The following TRMT5 variants were observed in gnomAD, a reference collection of about 807,000 sequenced individuals.
The protein encoded by TRMT5 is tRNA (guanine(37)-N(1))-methyltransferase.
A neutral mutation model predicts 42.2 loss-of-function variants in TRMT5; 31 were observed. That is an observed-to-expected ratio of 0.73 (90% CI 0.55 to 0.99). The LOEUF is 0.99. Among genes scored for constraint, TRMT5 ranks in the 50% least tolerant of loss-of-function variants. The pLI is 0.00. For missense variants in TRMT5, 568 were observed against 595.0 expected (o/e 0.95, Z 0.47); for synonymous variants, 198 against 209.6 (o/e 0.94, Z 0.48).
Position 60,973,161 on chromosome 14 carries a change from T to TATCAAA in TRMT5, c.*1947_*1948insTTTGAT, listed in dbSNP as rs2036800141. The stretch of plus-strand genomic sequence containing the variant: ...TCAAATATTGTGATTCAAATATCGA[T>TATCAAA]TGTCAAAATGACTGTACCATATCAA... On this transcript the variant is annotated 3_prime_UTR_variant, in exon 5 of 5. Transcript: ENST00000261249. The TATCAAA allele has an allele frequency of 6.6e-6, 1 of 152,252 alleles. No individual in the cohort carries two copies. Among genetic ancestry groups the TATCAAA allele is most frequent in the Non-Finnish European group, 1.5e-5 (1 of 68,046 alleles). The allele number at this position is 152,252 out of a possible 1,614,324, so 9.4% of individuals were successfully genotyped here. A position where few individuals can be genotyped will look rare whatever the true frequency, so the allele number is the denominator to read the frequency against.
Position 60,971,856 on chromosome 14 carries a change from A to G in TRMT5, c.*3253T>C. On this transcript the variant is annotated 3_prime_UTR_variant, in exon 5 of 5. Coordinates refer to ENST00000261249, the MANE Select transcript of TRMT5 (RefSeq NM_020810.3). ...ACCAATGACCGGGGGTCAGGTCCCA[A>G]CAGATGTCTGGGCTTAAGGGGATTA... 1 of 155,672 alleles carries G rather than the reference A, an allele frequency of 6.4e-6. No homozygotes were observed. The allele number at this position is 155,672 out of a possible 1,614,324, so 9.6% of individuals were successfully genotyped here. A position where few individuals can be genotyped will look rare whatever the true frequency, so the allele number is the denominator to read the frequency against.
intron 2 of TRMT5, among the ~76,000 whole-genome samples, chr14:60,978,873 A>T (rs191978758): frequency 2.6e-5 from 4 of 152,330 alleles, no homozygotes; most frequent in Admixed American, 1.3e-4. Flanking sequence ...TTTTGACTAT[A>T]AAGTACCCAA....
Position 60,972,797 on chromosome 14 carries a change from A to T in TRMT5, c.*2312T>A, listed in dbSNP as rs1160304665. On this transcript the variant is annotated 3_prime_UTR_variant, in exon 5 of 5. Coordinates refer to ENST00000261249, the MANE Select transcript of TRMT5 (RefSeq NM_020810.3). ...ATTTCATCTTTAAAAATGTCTTCTC[A>T]TACAGATAGGTATTGCCAAATACTG... is the stretch of plus-strand genomic sequence containing the variant. The T allele has an allele frequency of 5.7e-6, 1 of 176,476 alleles. No homozygotes were observed. The highest frequency in any genetic ancestry group is 5.7e-5 in the Admixed American group (1 of 17,542). The allele number at this position is 176,476 out of a possible 1,614,324, so 10.9% of individuals were successfully genotyped here. A position where few individuals can be genotyped will look rare whatever the true frequency, so the allele number is the denominator to read the frequency against.
rs755338994 is a variant in TRMT5 at position 60,975,973 on chromosome 14, C to T, written c.946G>A (p.Val316Ile). ...AATACAGTGCAGTTTTTCTTTGCTA[C>T]TGGAATGGCAAAGGGCCCAACCCCA... ...FAGVGPFAIPVAKKNCTVFAN... is the reference protein window; with the variant it reads ...FAGVGPFAIPIAKKNCTVFAN... The change falls in exon 4 of 5, where the codon GTA becomes ATA. Residue 316 changes from valine to isoleucine, a missense_variant. By Grantham distance (29) the Val-to-Ile change is conservative. Coordinates refer to ENST00000261249, the MANE Select transcript of TRMT5 (RefSeq NM_020810.3). 1.2e-6 allele frequency: 2 copies of T among 1,614,054 alleles called. No individual in the cohort carries two copies. Among genetic ancestry groups the T allele is most frequent in the African/African-American group, 2.7e-5 (2 of 74,934 alleles).
At position 60,979,329 on chromosome 14, in the gene TRMT5, A is replaced by T; in HGVS notation, c.569T>A (p.Leu190His). Reference sequence around the variant, plus strand: ...TGAAGTTACATCTTGACCTTCAGGAAGCACAGCTCTCAAGATTTCTTCTGA... The same window carrying T: ...TGAAGTTACATCTTGACCTTCAGGATGCACAGCTCTCAAGATTTCTTCTGA... ...FKSEEILRAV[L>H]PEGQDVTSGF... The change falls in exon 2 of 5, where the codon CTT becomes CAT. Residue 190 changes from leucine to histidine, a missense_variant. Coordinates refer to ENST00000261249, the MANE Select transcript of TRMT5 (RefSeq NM_020810.3). 1 of 1,614,182 alleles carries T rather than the reference A, an allele frequency of 6.2e-7. No homozygotes were observed. The highest frequency in any genetic ancestry group is 1.3e-5 in the African/African-American group (1 of 75,062).
chr14:60,975,082 G>A lies in TRMT5; in HGVS notation c.*27C>T, dbSNP rs768081967. Reference sequence around the variant, plus strand: ...TTCTATTTCACTACATGTAAGTCTGGTAGGGAGATGGAGAAAACATTTCCA... The same window carrying A: ...TTCTATTTCACTACATGTAAGTCTGATAGGGAGATGGAGAAAACATTTCCA... On this transcript the variant is annotated 3_prime_UTR_variant, in exon 5 of 5. Transcript: ENST00000261249. 2 of 1,558,330 alleles carry A rather than the reference G, an allele frequency of 1.3e-6. No individual in the cohort carries two copies. Among genetic ancestry groups the A allele is most frequent in the East Asian group, 2.3e-5 (1 of 44,402 alleles).
chr14:60,980,990 G>A lies in TRMT5; in HGVS notation c.-17C>T. On this transcript the variant is annotated 5_prime_UTR_variant, in exon 1 of 5. Transcript: ENST00000261249. ...AAGCACCATTCCAATTCCCCACGTC[G>A]CTCTGCAGCTGGATCCGCGAGCCGA... 1 of 1,611,036 alleles carries A rather than the reference G, an allele frequency of 6.2e-7. No individual in the cohort carries two copies. Among genetic ancestry groups the A allele is most frequent in the Non-Finnish European group, 8.5e-7 (1 of 1,180,006 alleles).
chr14:60,981,293 G>C (rs184560042), upstream of TRMT5: 360 of 1,607,590 alleles, frequency 2.2e-4, 3 homozygotes, highest in East Asian at 6.0e-3. Context: ...GGCGTCCTGG[G>C]GGAGCTTCAA....
rs1465747172 is a variant in TRMT5, at chr14:60,974,486, C to G, written c.*623G>C. The G allele has an allele frequency of 6.6e-6, 1 of 152,242 alleles. No homozygotes were observed. The highest frequency in any genetic ancestry group is 2.4e-5 in the African/African-American group (1 of 41,428). 9.4% of individuals were successfully genotyped at this position (152,242 alleles called of 1,614,324 possible). ...GTAAACAAATGAGCATGGTATGTTC[C>G]AATCAAACTTTATGAACTCTGAAAC... On this transcript the variant is annotated 3_prime_UTR_variant, in exon 5 of 5. Coordinates refer to ENST00000261249, the MANE Select transcript of TRMT5 (RefSeq NM_020810.3).
Position 60,975,222 on chromosome 14 carries a change from AG to A in TRMT5, c.1445-29del, listed in dbSNP as rs773587530. 5.6e-5 allele frequency: 88 copies of A among 1,568,312 alleles called. No individual in the cohort carries two copies. In the South Asian group the frequency reaches 8.6e-4, roughly 15 times the overall value. ...GTAATAAATCCAGAAAACCTATTTT[AG>A]GTAAGATATTAACAGTTGAAAATAC... On this transcript the variant is annotated intron_variant, in intron 4 of 4. Coordinates refer to ENST00000261249, the MANE Select transcript of TRMT5 (RefSeq NM_020810.3).
chr14:60,975,070 C>T lies in TRMT5; in HGVS notation c.*39G>A. Reference sequence around the variant, plus strand: ...AAATAATACAAATTCTATTTCACTACATGTAAGTCTGGTAGGGAGATGGAG... The same window carrying T: ...AAATAATACAAATTCTATTTCACTATATGTAAGTCTGGTAGGGAGATGGAG... On this transcript the variant is annotated 3_prime_UTR_variant, in exon 5 of 5. Transcript: ENST00000261249. The T allele has an allele frequency of 6.7e-7, 1 of 1,485,554 alleles. No homozygotes were observed. Among genetic ancestry groups the T allele is most frequent in the South Asian group, 1.2e-5 (1 of 82,128 alleles). The allele number at this position is 1,485,554 out of a possible 1,614,324, so 92.0% of individuals were successfully genotyped here. A position where few individuals can be genotyped will look rare whatever the true frequency, so the allele number is the denominator to read the frequency against.
chr14:60,974,858 T>C lies in TRMT5; in HGVS notation c.*251A>G. On this transcript the variant is annotated 3_prime_UTR_variant, in exon 5 of 5. Coordinates refer to ENST00000261249, the MANE Select transcript of TRMT5 (RefSeq NM_020810.3). ...AATTATTTTCCCTGAGAGAAAATAT[T>C]TATTCATATTTATCCAATAAAAATT... The C allele has an allele frequency of 4.6e-6, 1 of 215,876 alleles. No homozygotes were observed. Among genetic ancestry groups the C allele is most frequent in the Non-Finnish European group, 9.1e-6 (1 of 109,990 alleles). The allele number at this position is 215,876 out of a possible 1,614,324, so 13.4% of individuals were successfully genotyped here.
At chr14:60,978,078 G>A (rs892375325) in intron 2 of TRMT5, among the ~76,000 whole-genome samples, 1 of 152,042 alleles carries the variant, frequency 6.6e-6, no homozygotes, top group African/African-American at 2.4e-5. Context: ...TTTTACTATG[G>A]CTTTGGAACA....
rs1425261654 is a variant in TRMT5 at position 60,978,925 on chromosome 14, C to T, written c.667+306G>A. 4.6e-5 allele frequency among the ~76,000 whole-genome samples: 7 copies of T among 152,314 alleles called. No individual in the cohort carries two copies. The South Asian group carries it at 1.2e-3, about 27-fold the overall frequency. ...ATTTAACATAGCCCTGAAGGCCTAA[C>T]AAGTCTTGTGTACCAAAAAGATCTC... On this transcript the variant is annotated intron_variant, in intron 2 of 4. Transcript: ENST00000261249.
intron 1 of TRMT5, 55 bp downstream of exon 1, chr14:60,980,908 G>A: frequency 6.2e-7 from 1 of 1,611,180 alleles, no homozygotes; most frequent in Non-Finnish European, 8.5e-7. Flanking sequence ...GAGCAGCCCT[G>A]GGCGGGCTGG....
In TRMT5 at chr14:60,979,163, T is replaced by G. The variant is rs1046414423; in HGVS notation, c.667+68A>C. ...GTAACTTGGCATTAAAAAAAATAAT[T>G]TTTAAAGCTAAAATTAACAATTTGC... On this transcript the variant is annotated intron_variant, in intron 2 of 4. Coordinates refer to ENST00000261249, the MANE Select transcript of TRMT5 (RefSeq NM_020810.3). 4.3e-6 allele frequency: 6 copies of G among 1,406,932 alleles called. No individual in the cohort carries two copies. The East Asian group carries it at 9.4e-5, about 22-fold the overall frequency. 87.2% of individuals were successfully genotyped at this position (1,406,932 alleles called of 1,614,324 possible).
At chr14:60,981,574 C>G, upstream of TRMT5, 3 of 1,523,282 alleles carry the variant, frequency 2.0e-6, no homozygotes, top group Non-Finnish European at 2.6e-6. Context: ...GTGATAGCAG[C>G]CTAGCATACT....
rs1205818192 is a variant in TRMT5 at position 60,974,572 on chromosome 14, C to T, written c.*537G>A. ...TACATAATAGATGTCATAAAATTTT[C>T]ACGTCACAAAATGTTCTTTTGATTA... On this transcript the variant is annotated 3_prime_UTR_variant, in exon 5 of 5. Coordinates refer to ENST00000261249, the MANE Select transcript of TRMT5 (RefSeq NM_020810.3). 1 of 152,150 alleles carries T rather than the reference C, an allele frequency of 6.6e-6. No individual in the cohort carries two copies. The allele number at this position is 152,150 out of a possible 1,614,324, so 9.4% of individuals were successfully genotyped here. A position where few individuals can be genotyped will look rare whatever the true frequency, so the allele number is the denominator to read the frequency against.
intron 4 of TRMT5, 24 bp downstream of exon 4, chr14:60,975,451 T>A (rs1304967185): frequency 1.9e-6 from 3 of 1,595,076 alleles, no homozygotes; most frequent in East Asian, 4.5e-5. Context: ...AAGGTTTACA[T>A]TTAATTTCCC....
Sources: allele counts gnomAD v4.1 joint callset (sites outside exome capture counted in the v4.1 genomes callset), GRCh38; gene constraint gnomAD v4.1.1; transcripts MANE v1.5; gene names NCBI Gene and HGNC (gene_info 2026-07-23, HGNC 2026-07-21).